CLASP1: variants seen among roughly 807,000 people sequenced by gnomAD.
CLASP1 encodes CLIP-associating protein 1.
Under a neutral mutation model 192.3 loss-of-function variants are expected in CLASP1, and 38 were observed. The ratio of observed to expected loss-of-function variants is 0.20; its 90% CI spans 0.15 to 0.26. The LOEUF is 0.26. Ranked by LOEUF, CLASP1 falls within the 10% of genes least tolerant of loss-of-function variation. The probability of loss-of-function intolerance (pLI) is 1.00; values close to 1 mark genes in which losing one functional copy is unlikely to be tolerated. For synonymous variants in CLASP1, 691 were observed against 712.8 expected (o/e 0.97, Z 0.49); for missense variants, 1,433 against 1,932.5 (o/e 0.74, Z 4.85).
At chr2:121,417,606 C>T (rs903930154) in intron 23 of CLASP1, among the ~76,000 whole-genome samples, 3 of 152,190 alleles carry the variant, frequency 2.0e-5, no homozygotes, top group Admixed American at 6.5e-5. Context: ...GGTATTGCCT[C>T]GCTAAATCAC....
At chr2:121,451,083 A>G in intron 15 of CLASP1, 93 bp from the exon 16 acceptor site, 2 of 882,604 alleles carry the variant, frequency 2.3e-6, no homozygotes, top group Non-Finnish European at 3.7e-6. Flanking sequence ...AAATGGCAAC[A>G]TGGAGCTGGG....
At chr2:121,367,342 C>T (rs1013872153) in intron 35 of CLASP1, among the ~76,000 whole-genome samples, 3 of 152,224 alleles carry the variant, frequency 2.0e-5, no homozygotes, top group Non-Finnish European at 2.9e-5. Flanking sequence ...GTGGCTACTT[C>T]ATATCACGTG....
intron 5 of CLASP1, 97 bp downstream of exon 5, chr2:121,527,702 A>C: frequency 1.1e-6 from 1 of 933,708 alleles, no homozygotes; most frequent in Non-Finnish European, 1.7e-6. Context: ...CTCACACTAC[A>C]CTTCTTTGCA....
intron 2 of CLASP1, among the ~76,000 whole-genome samples, chr2:121,541,204 C>T (rs748647326): frequency 2.5e-4 from 38 of 152,232 alleles, no homozygotes; most frequent in Non-Finnish European, 4.9e-4. Flanking sequence ...ACTCAATCCT[C>T]TCCTCCAAAA....
At chr2:121,547,694 T>C (rs910435412) in intron 2 of CLASP1, among the ~76,000 whole-genome samples, 2 of 151,958 alleles carry the variant, frequency 1.3e-5, no homozygotes, top group African/African-American at 4.8e-5. Context: ...TTTTTGAGAA[T>C]TGAGAGGGAA....
At chr2:121,484,284 G>A (rs1286941153) in intron 8 of CLASP1, among the ~76,000 whole-genome samples, 1 of 151,888 alleles carries the variant, frequency 6.6e-6, no homozygotes, top group African/African-American at 2.4e-5. Context: ...CCATCATCTC[G>A]GCCCACCACT....
intron 6 of CLASP1, among the ~76,000 whole-genome samples, chr2:121,516,106 T>G (rs1166684507): frequency 1.3e-5 from 2 of 152,076 alleles, no homozygotes; most frequent in Non-Finnish European, 2.9e-5. Context: ...TAAATGATAC[T>G]AAAAATAAAA....
intron 2 of CLASP1, among the ~76,000 whole-genome samples, chr2:121,563,264 A>G (rs1177971844): frequency 6.6e-6 from 1 of 152,194 alleles, no homozygotes; most frequent in Non-Finnish European, 1.5e-5. Flanking sequence ...ATTATGCTGA[A>G]CAGGCTGTCA....
At chr2:121,619,743 T>C (rs1233035741) in intron 1 of CLASP1, among the ~76,000 whole-genome samples, 2 of 152,190 alleles carry the variant, frequency 1.3e-5, no homozygotes, top group African/African-American at 4.8e-5. Flanking sequence ...AGAACATAGT[T>C]TTCATTCTAT....
chr2:121,527,332 G>A (rs140353989), intron 5 of CLASP1, among the ~76,000 whole-genome samples: 30 of 152,284 alleles, frequency 2.0e-4, no homozygotes, highest in Admixed American at 9.2e-4. Flanking sequence ...AATGTCAGGT[G>A]CAAACTCAAG....
intron 5 of CLASP1, among the ~76,000 whole-genome samples, chr2:121,527,049 C>T (rs1242631602): frequency 6.6e-6 from 1 of 152,124 alleles, no homozygotes; most frequent in African/African-American, 2.4e-5. Context: ...GAATGTAAAA[C>T]AGTATGGACA....
At chr2:121,590,515 T>G (rs2062264483) in intron 2 of CLASP1, among the ~76,000 whole-genome samples, 1 of 152,248 alleles carries the variant, frequency 6.6e-6, no homozygotes, top group Admixed American at 6.5e-5. Flanking sequence ...CAAAATAGCA[T>G]GATCGGTCTT....
intron 8 of CLASP1, among the ~76,000 whole-genome samples, chr2:121,478,848 C>CCACACACCACACCA (rs2092173237): frequency 3.8e-4 from 10 of 26,386 alleles, no homozygotes; most frequent in African/African-American, 1.2e-3. Flanking sequence ...CACACACACA[C>CCACACACCACACCA]CACACACCAC....
chr2:121,544,496 C>T (rs1164083162), intron 2 of CLASP1, among the ~76,000 whole-genome samples: 2 of 139,848 alleles, frequency 1.4e-5, no homozygotes, highest in African/African-American at 5.3e-5. Flanking sequence ...TCTGGAAAAA[C>T]ATAACAATAG....
intron 34 of CLASP1, among the ~76,000 whole-genome samples, chr2:121,371,069 T>TAC (rs2068575124): frequency 6.6e-6 from 1 of 152,196 alleles, no homozygotes; most frequent in Admixed American, 6.5e-5. Context: ...CACACTCCCC[T>TAC]ACACACATAT....
In CLASP1 at chr2:121,344,340, C is replaced by CT. The variant is rs1296771297; in HGVS notation, c.4530+2697dup. Among the ~76,000 whole-genome samples the CT allele has an allele frequency of 2.5e-4, 38 of 150,424 alleles. 1 individual carries two copies. Among genetic ancestry groups the CT allele is most frequent in the South Asian group, 4.3e-4 (2 of 4,686 alleles). On this transcript the variant is annotated intron_variant, in intron 39 of 39. Transcript: ENST00000263710. ...CTTATTTTTTTTCTTAAAAAAAAAC[C>CT]TTTTTTTTTGAGACAGAGTTTCGCT...
At chr2:121,631,091 G>A (rs1238753418) in intron 1 of CLASP1, among the ~76,000 whole-genome samples, 2 of 145,678 alleles carry the variant, frequency 1.4e-5, no homozygotes, top group South Asian at 2.2e-4. Context: ...CCCGGGAGGT[G>A]GAGGTTGCAG....
chr2:121,375,288 GCTGTGACTC>G (rs2149311227), intron 34 of CLASP1, among the ~76,000 whole-genome samples: 1 of 151,872 alleles, frequency 6.6e-6, no homozygotes, highest in South Asian at 2.1e-4. Flanking sequence ...GGCCTTCCCA[GCTGTGACTC>G]CCATACAACC....
chr2:121,350,605 T>G (rs1424518417), intron 37 of CLASP1, among the ~76,000 whole-genome samples: 1 of 152,160 alleles, frequency 6.6e-6, no homozygotes, highest in African/African-American at 2.4e-5. Context: ...TGTGCATGAG[T>G]CCATGTGTCA....
Sources: gnomAD v4.1 joint callset for allele counts (sites outside exome capture counted in the v4.1 genomes callset) on GRCh38, gnomAD v4.1.1 for gene constraint, MANE v1.5 for transcripts, NCBI Gene and HGNC (gene_info 2026-07-23, HGNC 2026-07-21) for gene names.